The following RGS7BP variants were observed in gnomAD, a reference collection of about 807,000 sequenced individuals.
RGS7BP encodes the protein regulator of G protein signaling 7-binding protein.
RGS7BP carries 9 observed loss-of-function variants against 31.3 expected under a neutral mutation model. The observed-to-expected ratio is 0.29, with a 90% CI of 0.17 to 0.50. RGS7BP has a LOEUF of 0.50. RGS7BP is among the 20% of genes least tolerant of loss of function. RGS7BP has a pLI of 0.98. For missense variants in RGS7BP, 274 were observed against 322.0 expected, an observed-to-expected ratio of 0.85 and a Z score of 1.14; for synonymous variants, 115 against 120.1, an observed-to-expected ratio of 0.96 and a Z score of 0.28.
intron 5 of RGS7BP, among the ~76,000 whole-genome samples, chr5:64,599,125 G>A (rs958399354): frequency 6.6e-6 from 1 of 152,120 alleles, no homozygotes; most frequent in Non-Finnish European, 1.5e-5. Context: ...CTGGAGCCTG[G>A]GACATAGTAG....
chr5:64,598,344 G>C lies in RGS7BP; in HGVS notation c.612-21G>C, dbSNP rs146036934. Reference sequence around the variant, plus strand: ...TTGAAAATTTACAGCTGATTATTCTGTCTTTTTATCAATTTTACAGAGACA... The same window carrying C: ...TTGAAAATTTACAGCTGATTATTCTCTCTTTTTATCAATTTTACAGAGACA... On this transcript the variant is annotated intron_variant, in intron 4 of 5. Transcript: ENST00000334025. 5.1e-4 allele frequency: 694 copies of C among 1,373,478 alleles called. 3 individuals carry two copies. In the African/African-American group the frequency reaches 8.9e-3, roughly 18 times the overall value. The allele number at this position is 1,373,478 out of a possible 1,614,324, so 85.1% of individuals were successfully genotyped here.
intron 2 of RGS7BP, among the ~76,000 whole-genome samples, chr5:64,518,324 CA>C (rs1749024823): frequency 7.7e-6 from 1 of 129,576 alleles, no homozygotes; most frequent in South Asian, 2.5e-4. Flanking sequence ...CAGCTTTGAA[CA>C]AAATAAAGTC....
chr5:64,576,385 C>T (rs1742430261), intron 3 of RGS7BP, among the ~76,000 whole-genome samples: 2 of 152,168 alleles, frequency 1.3e-5, no homozygotes, highest in Admixed American at 1.3e-4. Context: ...TAAATTGGCT[C>T]AAAGGATTGT....
chr5:64,582,265 G>A (rs985805827), intron 3 of RGS7BP, among the ~76,000 whole-genome samples: 4 of 152,232 alleles, frequency 2.6e-5, no homozygotes, highest in Non-Finnish European at 4.4e-5. Context: ...TTGGCAGAAA[G>A]TGGAGCCAGG....
At chr5:64,532,981 T>G (rs1035444787) in intron 2 of RGS7BP, among the ~76,000 whole-genome samples, 41 of 152,308 alleles carry the variant, frequency 2.7e-4, no homozygotes, top group African/African-American at 9.6e-4. Context: ...GAATCTGGAC[T>G]GCCACTCTTG....
intron 2 of RGS7BP, among the ~76,000 whole-genome samples, chr5:64,569,895 C>T (rs942537111): frequency 6.6e-6 from 1 of 152,142 alleles, no homozygotes; most frequent in Non-Finnish European, 1.5e-5. Flanking sequence ...TTTTGGCTTC[C>T]TGGGTCTTTC....
intron 3 of RGS7BP, among the ~76,000 whole-genome samples, chr5:64,593,596 AC>A (rs1481340242): frequency 6.6e-6 from 1 of 152,152 alleles, no homozygotes; most frequent in Middle Eastern, 3.2e-3. Context: ...TATAATAGCT[AC>A]CCTTTTTTCC....
chr5:64,564,135 AG>A (rs1429777433), intron 2 of RGS7BP, among the ~76,000 whole-genome samples: 1 of 152,200 alleles, frequency 6.6e-6, no homozygotes, highest in African/African-American at 2.4e-5. Context: ...CAAATGACCT[AG>A]AAAAAACTTC....
intron 5 of RGS7BP, among the ~76,000 whole-genome samples, chr5:64,603,625 G>A (rs1356158343): frequency 2.0e-5 from 3 of 152,172 alleles, no homozygotes; most frequent in Admixed American, 6.5e-5. Flanking sequence ...ATGGCCAGTG[G>A]TGAAGTTAAA....
chr5:64,538,523 C>CCTTTTT (rs1741436563), intron 2 of RGS7BP, among the ~76,000 whole-genome samples: 1 of 27,484 alleles, frequency 3.6e-5, no homozygotes, highest in Non-Finnish European at 6.9e-5. Context: ...TTTTCCTTTT[C>CCTTTTT]TTTTCTTTTT....
rs7718761 is a variant in RGS7BP, at chr5:64,525,403, T to C, written c.332+17526T>C. On this transcript the variant is annotated intron_variant, in intron 2 of 5. Coordinates refer to ENST00000334025, the MANE Select transcript of RGS7BP (RefSeq NM_001029875.3). Reference sequence around the variant, plus strand: ...TTGTTGTGGTTTTAGACTTCAACTTTAGAGCTAAAGGTGTGCTGTATCCTA... The same window carrying C: ...TTGTTGTGGTTTTAGACTTCAACTTCAGAGCTAAAGGTGTGCTGTATCCTA... Among the ~76,000 whole-genome samples the C allele has an allele frequency of 8.0e-3, 1,225 of 152,336 alleles. 19 individuals carry two copies. Among genetic ancestry groups the C allele is most frequent in the African/African-American group, 0.027 (1,135 of 41,564 alleles).
At position 64,558,610 on chromosome 5, in the gene RGS7BP, GA is replaced by G. The variant is rs772822150; in HGVS notation, c.333-17158del. On this transcript the variant is annotated intron_variant, in intron 2 of 5. Transcript: ENST00000334025. ...GAACAATATGAAATCTGGGCACCTTGAAAAAAGAACAGAATAATAGCAATGT... is the reference window on the plus strand; with the variant it reads ...GAACAATATGAAATCTGGGCACCTTGAAAAAGAACAGAATAATAGCAATGT... Among the ~76,000 whole-genome samples, 3 of 151,982 alleles carry G rather than the reference GA, an allele frequency of 2.0e-5. No homozygotes were observed. In the East Asian group the frequency reaches 5.8e-4, roughly 29 times the overall value.
At chr5:64,557,879 G>A (rs1034933320) in intron 2 of RGS7BP, among the ~76,000 whole-genome samples, 3 of 152,138 alleles carry the variant, frequency 2.0e-5, no homozygotes, top group African/African-American at 7.2e-5. Context: ...TAAGACTGCT[G>A]TGACATGAGT....
intron 2 of RGS7BP, 156 bp from the exon 3 acceptor site, chr5:64,575,618 C>T (rs1415645067): frequency 6.1e-6 from 8 of 1,317,022 alleles, no homozygotes; most frequent in Non-Finnish European, 7.8e-6. Context: ...AGAACTGTCA[C>T]ATTGGTCATT....
chr5:64,573,641 A>C (rs1003548490), intron 2 of RGS7BP: 1 of 150,906 alleles, frequency 6.6e-6, no homozygotes, highest in African/African-American at 2.4e-5. Flanking sequence ...CAAGGATGAC[A>C]TGCAAATTTG....
At chr5:64,536,344 A>G (rs575113454) in intron 2 of RGS7BP, among the ~76,000 whole-genome samples, 7 of 152,332 alleles carry the variant, frequency 4.6e-5, no homozygotes, top group Admixed American at 2.6e-4. Flanking sequence ...GAGAAATCCA[A>G]TGAGCATCAG....
intron 2 of RGS7BP, among the ~76,000 whole-genome samples, chr5:64,533,286 G>T (rs1475784521): frequency 6.6e-6 from 1 of 152,164 alleles, no homozygotes; most frequent in Non-Finnish European, 1.5e-5. Context: ...GCCAGAATGA[G>T]TTAGGCCCTG....
At chr5:64,594,252 A>G (rs1742999827) in intron 3 of RGS7BP, among the ~76,000 whole-genome samples, 1 of 152,144 alleles carries the variant, frequency 6.6e-6, no homozygotes, top group Non-Finnish European at 1.5e-5. Flanking sequence ...TGAGAGGGCC[A>G]GTGTCTAGAA....
intron 2 of RGS7BP, among the ~76,000 whole-genome samples, chr5:64,509,596 G>A (rs978729333): frequency 1.5e-4 from 23 of 151,956 alleles, no homozygotes; most frequent in African/African-American, 4.4e-4. Context: ...ATGTTACCCC[G>A]GCTGGTCTTA....
Sources: gnomAD v4.1 joint callset for allele counts (sites outside exome capture counted in the v4.1 genomes callset) on GRCh38, gnomAD v4.1.1 for gene constraint, MANE v1.5 for transcripts, NCBI Gene and HGNC (gene_info 2026-07-23, HGNC 2026-07-21) for gene names.